The following MMP10 variants were observed in gnomAD, a reference collection of about 807,000 sequenced individuals.
The protein encoded by MMP10 is stromelysin-2.
A neutral mutation model predicts 49.1 loss-of-function variants in MMP10; 50 were observed. The observed-to-expected ratio is 1.02, with a 90% confidence interval of 0.81 to 1.29. The LOEUF (loss-of-function observed/expected upper bound fraction) is 1.29. Ranked by LOEUF, MMP10 falls within the 50% of genes most tolerant of loss-of-function variation. The pLI is 0.00. For missense variants in MMP10, 613 were observed against 563.8 expected (o/e 1.09, Z -0.88); for synonymous variants, 229 against 201.6 (o/e 1.14, Z -1.15).
chr11:102,770,758 TA>T lies in MMP10; in HGVS notation c.*34del, dbSNP rs1565453663. ...TTAGATGAATAATTATTAGATTTATTAAAAACACCCATATCTGTCTTCCCCC... is the reference window on the plus strand; with the variant it reads ...TTAGATGAATAATTATTAGATTTATTAAAACACCCATATCTGTCTTCCCCC... On this transcript the variant is annotated 3_prime_UTR_variant, in exon 10 of 10. Transcript: ENST00000279441. 4 of 1,352,370 alleles carry T rather than the reference TA, an allele frequency of 3.0e-6. No individual in the cohort carries two copies. The highest frequency in any genetic ancestry group is 4.1e-6 in the Non-Finnish European group (4 of 966,626). 83.8% of individuals were successfully genotyped at this position (1,352,370 alleles called of 1,614,324 possible).
chr11:102,777,747 G>A (rs1006255296), intron 4 of MMP10, among the ~76,000 whole-genome samples: 2 of 152,080 alleles, frequency 1.3e-5, no homozygotes, highest in Non-Finnish European at 2.9e-5. Context: ...ATTTAACCAA[G>A]GCTCCAAGAA....
In MMP10 at chr11:102,778,530, A is replaced by T. The variant is rs1371475873; in HGVS notation, c.622+94T>A. 8 of 1,483,026 alleles carry T rather than the reference A, an allele frequency of 5.4e-6. No homozygotes were observed. In the East Asian group the frequency reaches 1.8e-4, roughly 34 times the overall value. 91.9% of individuals were successfully genotyped at this position (1,483,026 alleles called of 1,614,324 possible). A position where few individuals can be genotyped will look rare whatever the true frequency, so the allele number is the denominator to read the frequency against. On this transcript the variant is annotated intron_variant, in intron 4 of 9. Transcript: ENST00000279441. ...GTAATAAAAAAATTCAGTTACTAGT[A>T]TATTCGATTTATTGCTCGTTCTAGA...
chr11:102,772,291 G>A lies in MMP10; in HGVS notation c.1227-176C>T, dbSNP rs116890565. 7.9e-3 allele frequency among the ~76,000 whole-genome samples: 1,197 copies of A among 152,234 alleles called. 10 individuals are homozygous for A. The highest frequency in any genetic ancestry group is 0.015 in the South Asian group (70 of 4,822). On this transcript the variant is annotated intron_variant, in intron 8 of 9. Transcript: ENST00000279441. This position sits in a 1 kb window ranked among gnomAD's most constrained non-coding sequence, Gnocchi z 4.4. ...ATAGGTTACTTTCCTGGGCTTACAA[G>A]TTTAACACATAAAACAATATTTTCC... is the stretch of plus-strand genomic sequence containing the variant.
intron 3 of MMP10, among the ~76,000 whole-genome samples, 188 bp downstream of exon 3, chr11:102,779,025 G>C (rs1002686394): frequency 1.3e-5 from 2 of 152,198 alleles, no homozygotes; most frequent in Non-Finnish European, 2.9e-5. Context: ...GACACAGAAG[G>C]TACCATCTAT....
At chr11:102,771,822 C>T (rs1333887545) in intron 9 of MMP10, among the ~76,000 whole-genome samples, 190 bp downstream of exon 9, 2 of 151,054 alleles carry the variant, frequency 1.3e-5, no homozygotes, top group Admixed American at 6.6e-5. Context: ...AACACACACA[C>T]ACACACACAC....
chr11:102,776,163 C>T (rs1283717681), intron 6 of MMP10, 117 bp downstream of exon 6: 1 of 862,172 alleles, frequency 1.2e-6, no homozygotes, highest in Non-Finnish European at 1.7e-6. Context: ...TATAACAAAC[C>T]TGCACATGTA....
intron 9 of MMP10, among the ~76,000 whole-genome samples, chr11:102,771,355 G>T (rs1357374980): frequency 6.6e-6 from 1 of 152,130 alleles, no homozygotes; most frequent in Non-Finnish European, 1.5e-5. Flanking sequence ...TGAGCCAGAG[G>T]TCCATTTCCT....
chr11:102,778,544 G>T, intron 4 of MMP10, 80 bp downstream of exon 4: 1 of 1,539,832 alleles, frequency 6.5e-7, no homozygotes. Context: ...TCGATTTATT[G>T]CTCGTTCTAG....
intron 1 of MMP10, among the ~76,000 whole-genome samples, 161 bp from the exon 2 acceptor site, chr11:102,779,906 A>G (rs189555295): frequency 8.2e-4 from 125 of 152,262 alleles, no homozygotes; most frequent in Non-Finnish European, 1.1e-3. Flanking sequence ...AAATTTTTAA[A>G]TTTTATTGCA....
Position 102,779,238 on chromosome 11 carries a change from A to G in MMP10, c.471T>C (p.Asp157=). Residue 157 remains aspartate, a synonymous_variant, in exon 3 of 10, where the codon GAT becomes GAC. Transcript: ENST00000279441. ...CTTTAACTGCAAAAGAGATCATTATATCAGCCTCTCCTTCATACAGCCTGG... is the reference window on the plus strand; with the variant it reads ...CTTTAACTGCAAAAGAGATCATTATGTCAGCCTCTCCTTCATACAGCCTGG... ...TFSRLYEGEA[D]IMISFAVKEH... 1.2e-6 allele frequency: 2 copies of G among 1,613,654 alleles called. No homozygotes were observed. The highest frequency in any genetic ancestry group is 1.7e-6 in the Non-Finnish European group (2 of 1,179,990).
intron 7 of MMP10, among the ~76,000 whole-genome samples, chr11:102,773,978 T>C (rs1326192643): frequency 6.6e-6 from 1 of 152,252 alleles, no homozygotes; most frequent in Non-Finnish European, 1.5e-5. Context: ...TTGATAACAA[T>C]ACGTTAGAGT....
intron 4 of MMP10, among the ~76,000 whole-genome samples, chr11:102,777,996 T>C (rs965559649): frequency 6.6e-6 from 1 of 152,146 alleles, no homozygotes; most frequent in African/African-American, 2.4e-5. Context: ...CTGTCAGAAA[T>C]AGTGATTATT....
Position 102,779,298 on chromosome 11 carries a change from C to G in MMP10, c.411G>C (p.Leu137=). The G allele has an allele frequency of 6.2e-7, 1 of 1,614,116 alleles. No homozygotes were observed. The highest frequency in any genetic ancestry group is 1.1e-5 in the South Asian group (1 of 91,080). The change falls in exon 3 of 10, where the codon CTG becomes CTC. Residue 137 remains leucine, a synonymous_variant. Transcript: ENST00000279441. Reference sequence around the variant, plus strand: ...GTGGAGTCACCTCTTCCCAGACTTTCAGAGCTTTCTCAATGGCAGAATCAA... The same window carrying G: ...GTGGAGTCACCTCTTCCCAGACTTTGAGAGCTTTCTCAATGGCAGAATCAA... The part of the protein sequence containing the change: ...DAVDSAIEKA[L]KVWEEVTPLT...
intron 6 of MMP10, 124 bp downstream of exon 6, chr11:102,776,156 A>G (rs1380150792): frequency 1.2e-6 from 1 of 808,078 alleles, no homozygotes; most frequent in Non-Finnish European, 1.9e-6. Flanking sequence ...TTATCTATAT[A>G]ACAAACCTGC....
rs370317966 is a variant in MMP10 at position 102,779,746 on chromosome 11, C to T, written c.106-1G>A. ...GGTTGTAGTACTTTTCTAGGTATTG[C>T]TAATGGAAAATAGAATTTTTAGGGC... is the stretch of plus-strand genomic sequence containing the variant. On this transcript the variant is annotated splice_acceptor_variant, in intron 1 of 9. Coordinates refer to ENST00000279441, the MANE Select transcript of MMP10 (RefSeq NM_002425.3). LOFTEE classifies it high-confidence loss of function. The T allele has an allele frequency of 1.3e-6, 2 of 1,599,396 alleles. No individual in the cohort carries two copies. The highest frequency in any genetic ancestry group is 2.2e-5 in the East Asian group (1 of 44,592).
chr11:102,778,701 T>C lies in MMP10; in HGVS notation c.545A>G (p.His182Arg). ...SFDGPGHSLA[H>R]AYPPGPGLYG... ...AAGCCCAGGTCCAGGTGGGTAGGCATGAGCCAAACTGTGTCCTGGGCCATC... is the reference window on the plus strand; with the variant it reads ...AAGCCCAGGTCCAGGTGGGTAGGCACGAGCCAAACTGTGTCCTGGGCCATC... Residue 182 changes from histidine to arginine, a missense_variant, in exon 4 of 10, where the codon CAT (histidine) becomes CGT (arginine). Transcript: ENST00000279441. 6.2e-7 allele frequency: 1 copy of C among 1,613,776 alleles called. No individual in the cohort carries two copies. The highest frequency in any genetic ancestry group is 8.5e-7 in the Non-Finnish European group (1 of 1,179,822).
chr11:102,770,635 C>T lies in MMP10; in HGVS notation c.*158G>A. On this transcript the variant is annotated 3_prime_UTR_variant, in exon 10 of 10. Coordinates refer to ENST00000279441, the MANE Select transcript of MMP10 (RefSeq NM_002425.3). The stretch of plus-strand genomic sequence containing the variant: ...CAATTCAAAAGCAAGTGAAGAATTC[C>T]AGAAACATTCTTCATGACACATGCA... 2 of 506,900 alleles carry T rather than the reference C, an allele frequency of 3.9e-6. No homozygotes were observed. The highest frequency in any genetic ancestry group is 3.7e-5 in the South Asian group (1 of 27,190). 31.4% of individuals were successfully genotyped at this position (506,900 alleles called of 1,614,324 possible). A position where few individuals can be genotyped will look rare whatever the true frequency, so the allele number is the denominator to read the frequency against.
At position 102,772,785 on chromosome 11, in the gene MMP10, T is replaced by C; in HGVS notation, c.1226+62A>G. On this transcript the variant is annotated intron_variant, in intron 8 of 9. Transcript: ENST00000279441. This position sits in a 1 kb window ranked among gnomAD's most constrained non-coding sequence, Gnocchi z 4.4. ...TGGGTGTAGGGTAGGGAAATATCCT[T>C]AAAGAAAGAAAATAATTTTCTTAAT... 1 of 1,542,458 alleles carries C rather than the reference T, an allele frequency of 6.5e-7. No homozygotes were observed. Among genetic ancestry groups the C allele is most frequent in the Admixed American group, 1.9e-5 (1 of 53,128 alleles).
Position 102,770,888 on chromosome 11 carries a change from A to G in MMP10, c.1336T>C (p.Phe446Leu). The G allele has an allele frequency of 6.2e-7, 1 of 1,603,284 alleles. No homozygotes were observed. The highest frequency in any genetic ancestry group is 8.5e-7 in the Non-Finnish European group (1 of 1,171,428). The change falls in exon 10 of 10, where the codon TTC becomes CTC. Residue 446 changes from phenylalanine (F) to leucine (L), a missense_variant. Coordinates refer to ENST00000279441, the MANE Select transcript of MMP10 (RefSeq NM_002425.3). ...TGTGATGATCCACTGAAGAAGTAGA[A>G]AAATCCTGTAAATATAGATAAGGAA... is the stretch of plus-strand genomic sequence containing the variant. ...VDAVLQAFGF[F>L]YFFSGSSQFE...
Sources: gnomAD v4.1 joint callset for allele counts (sites outside exome capture counted in the v4.1 genomes callset) on GRCh38, gnomAD v4.1.1 for gene constraint, Gnocchi (gnomAD v3.1) non-coding constraint, MANE v1.5 for transcripts, NCBI Gene and HGNC (gene_info 2026-07-23, HGNC 2026-07-21) for gene names.